Variants in CCM2 observed in about 807,000 individuals in gnomAD.
CCM2 encodes cerebral cavernous malformations 2 protein.
A neutral mutation model predicts 44.9 loss-of-function variants in CCM2; 25 were observed. The observed-to-expected ratio is 0.56, with a 90% confidence interval of 0.41 to 0.78. The LOEUF is 0.78. Among genes scored for constraint, CCM2 ranks in the 30% least tolerant of loss-of-function variants. CCM2 has a pLI of 0.00. For missense variants in CCM2, 481 were observed against 580.6 expected (o/e 0.83, Z 1.76); for synonymous variants, 219 against 241.1 (o/e 0.91, Z 0.85).
rs1227069100 is a variant in CCM2 at position 45,000,284 on chromosome 7, C to T, written c.-50C>T. ...TCGAGCATGTAGCGGCTGCTGGCGG[C>T]GGGGCTCCCGGGGCGGGCCGGGCGG... On this transcript the variant is annotated 5_prime_UTR_variant, in exon 1 of 10. Coordinates refer to ENST00000258781, the MANE Select transcript of CCM2 (RefSeq NM_031443.4). The T allele has an allele frequency of 1.0e-5, 11 of 1,101,710 alleles. No homozygotes were observed. The African/African-American group carries it at 1.3e-4, about 13-fold the overall frequency. The allele number at this position is 1,101,710 out of a possible 1,614,324, so 68.2% of individuals were successfully genotyped here.
At chr7:45,062,826 CA>C (rs11326276) in intron 2 of CCM2, among the ~76,000 whole-genome samples, 31,978 of 138,174 alleles carry the variant, frequency 0.23, 3,327 homozygotes, top group Admixed American at 0.26. Flanking sequence ...GACCCTGTCT[CA>C]AAAAAAAAAA....
chr7:45,054,153 G>A (rs1002177920), intron 2 of CCM2, among the ~76,000 whole-genome samples: 1 of 152,274 alleles, frequency 6.6e-6, no homozygotes, highest in Middle Eastern at 3.4e-3. Context: ...TCCCGTAGCC[G>A]GTGTCAGCCA....
intron 2 of CCM2, among the ~76,000 whole-genome samples, chr7:45,058,445 A>G (rs1206387971): frequency 1.3e-5 from 2 of 150,474 alleles, no homozygotes; most frequent in Non-Finnish European, 3.0e-5. Flanking sequence ...CATTAGGTAT[A>G]TCTTCTAATG....
At chr7:45,030,074 G>A (rs1475748014) in intron 1 of CCM2, among the ~76,000 whole-genome samples, 1 of 152,146 alleles carries the variant, frequency 6.6e-6, no homozygotes, top group Non-Finnish European at 1.5e-5. Context: ...GTGGACTCTG[G>A]CAGGTCCCTT....
At chr7:45,002,075 G>C (rs1326060400) in intron 1 of CCM2, among the ~76,000 whole-genome samples, 3 of 152,184 alleles carry the variant, frequency 2.0e-5, no homozygotes, top group Non-Finnish European at 4.4e-5. Context: ...TTGCAAGCTG[G>C]CAGAACCTTC....
chr7:44,999,838 G>A (rs758038923), upstream of CCM2: 1 of 433,844 alleles, frequency 2.3e-6, no homozygotes, highest in South Asian at 1.6e-5. Context: ...AGTGGGCGGA[G>A]CGAACAGGGG....
At chr7:45,002,910 A>T (rs1186176840) in intron 1 of CCM2, among the ~76,000 whole-genome samples, 1 of 152,164 alleles carries the variant, frequency 6.6e-6, no homozygotes, top group South Asian at 2.1e-4. Flanking sequence ...TCCTCTGGCC[A>T]CTAAAGGTGT....
chr7:45,044,763 T>A (rs931089475), intron 2 of CCM2, among the ~76,000 whole-genome samples: 2 of 152,240 alleles, frequency 1.3e-5, no homozygotes, highest in Admixed American at 6.5e-5. Flanking sequence ...GAGAATATAA[T>A]TATTTCCAAA....
At chr7:45,010,168 G>A (rs1796012318) in intron 1 of CCM2, among the ~76,000 whole-genome samples, 1 of 152,054 alleles carries the variant, frequency 6.6e-6, no homozygotes, top group South Asian at 2.1e-4. Context: ...GTCTCGGCCT[G>A]CCAAAGTGTT....
At chr7:45,021,520 C>T (rs1026371473) in intron 1 of CCM2, among the ~76,000 whole-genome samples, 5 of 150,750 alleles carry the variant, frequency 3.3e-5, no homozygotes, top group East Asian at 1.9e-4. Flanking sequence ...GCTGAGATCG[C>T]GCCACTGCAC....
intron 2 of CCM2, among the ~76,000 whole-genome samples, chr7:45,054,659 A>G (rs1044375436): frequency 6.6e-6 from 1 of 152,214 alleles, no homozygotes; most frequent in Non-Finnish European, 1.5e-5. Context: ...CCACCTGGCC[A>G]TACCGTCTTC....
At chr7:45,020,415 GTTTC>G (rs1050921834) in intron 1 of CCM2, among the ~76,000 whole-genome samples, 1 of 152,094 alleles carries the variant, frequency 6.6e-6, no homozygotes, top group African/African-American at 2.4e-5. Flanking sequence ...TAGATATATA[GTTTC>G]TTTATTCTTC....
chr7:45,023,745 T>C (rs952770824), intron 1 of CCM2, among the ~76,000 whole-genome samples: 5 of 143,974 alleles, frequency 3.5e-5, no homozygotes, highest in Non-Finnish European at 7.6e-5. Context: ...TTTTTTGTCG[T>C]GTGCATCTTT....
At chr7:45,054,436 A>T (rs776888260) in intron 2 of CCM2, among the ~76,000 whole-genome samples, 8 of 152,018 alleles carry the variant, frequency 5.3e-5, no homozygotes, top group Non-Finnish European at 1.2e-4. Context: ...AACTTTATCA[A>T]TCAAGGCCAA....
intron 1 of CCM2, among the ~76,000 whole-genome samples, chr7:45,019,059 CTTT>C (rs34045609): frequency 2.0e-4 from 19 of 93,304 alleles, no homozygotes; most frequent in African/African-American, 8.1e-4. Context: ...TGCGCCTGGC[CTTT>C]TTTTTTTTTT....
At chr7:45,067,557 C>T (rs1373582612) in intron 4 of CCM2, 1 of 152,236 alleles carries the variant, frequency 6.6e-6, no homozygotes, top group East Asian at 1.9e-4. Flanking sequence ...AGCTACATAG[C>T]ATTCTTTCTT....
In CCM2 at chr7:45,038,437, A is replaced by C; in HGVS notation, c.204+11A>C. 6 of 1,613,616 alleles carry C rather than the reference A, an allele frequency of 3.7e-6. No individual in the cohort carries two copies. Among genetic ancestry groups the C allele is most frequent in the Non-Finnish European group, 5.1e-6 (6 of 1,179,872 alleles). The stretch of plus-strand genomic sequence containing the variant: ...GAGAAGGAGGTAAAGGTAAGTCGTC[A>C]TGGGCCACAGGACGTGCCTGCCAAA... On this transcript the variant is annotated intron_variant, in intron 2 of 9. Coordinates refer to ENST00000258781, the MANE Select transcript of CCM2 (RefSeq NM_031443.4).
chr7:45,014,084 A>G (rs1796165438), intron 1 of CCM2, among the ~76,000 whole-genome samples: 1 of 152,156 alleles, frequency 6.6e-6, no homozygotes, highest in Admixed American at 6.5e-5. Flanking sequence ...AAACTCAGCC[A>G]GTGGGAAGCA....
At chr7:45,028,007 G>A (rs537086045) in intron 1 of CCM2, among the ~76,000 whole-genome samples, 37 of 152,294 alleles carry the variant, frequency 2.4e-4, no homozygotes, top group Admixed American at 7.2e-4. Context: ...GGCGTGTATG[G>A]AGAAGTGCCG....
Sources: gnomAD v4.1 joint callset for allele counts (sites outside exome capture counted in the v4.1 genomes callset) on GRCh38, gnomAD v4.1.1 for gene constraint, MANE v1.5 for transcripts, NCBI Gene and HGNC (gene_info 2026-07-23, HGNC 2026-07-21) for gene names.